Variants in PCNP observed in about 807,000 individuals in gnomAD.
PCNP encodes PEST proteolytic signal containing nuclear protein, also known as PEST proteolytic signal-containing nuclear protein.
In PCNP, 6 loss-of-function variants were observed where a neutral mutation model predicts 21.8. The ratio of observed to expected loss-of-function variants is 0.28; its 90% CI spans 0.15 to 0.54. PCNP has a LOEUF of 0.54. Among genes scored for constraint, PCNP ranks in the 20% least tolerant of loss-of-function variants. PCNP has a pLI of 0.95. For missense variants in PCNP, 161 were observed against 215.5 expected, an observed-to-expected ratio of 0.75 and a Z score of 1.58; for synonymous variants, 67 against 73.2, an observed-to-expected ratio of 0.92 and a Z score of 0.43.
chr3:101,591,955 C>T (rs924991594), intron 4 of PCNP, among the ~76,000 whole-genome samples: 1 of 151,318 alleles, frequency 6.6e-6, no homozygotes, highest in East Asian at 1.9e-4. Context: ...AATTTTTTGT[C>T]GAGACAGGGT....
intron 1 of PCNP, among the ~76,000 whole-genome samples, chr3:101,578,352 C>A (rs1202805622): frequency 2.0e-5 from 3 of 152,216 alleles, no homozygotes; most frequent in Admixed American, 6.5e-5. Flanking sequence ...CATACTCTTT[C>A]AGAGATATTC....
intron 2 of PCNP, among the ~76,000 whole-genome samples, chr3:101,580,604 T>C (rs1935173442): frequency 1.3e-5 from 2 of 152,296 alleles, no homozygotes; most frequent in East Asian, 1.9e-4. Context: ...TACCTAATTA[T>C]CTTACTTTGG....
At chr3:101,580,315 G>C (rs1432249227) in intron 2 of PCNP, among the ~76,000 whole-genome samples, 1 of 152,110 alleles carries the variant, frequency 6.6e-6, no homozygotes, top group Non-Finnish European at 1.5e-5. Flanking sequence ...CCTGTAATCT[G>C]AAGACTTGGG....
intron 3 of PCNP, among the ~76,000 whole-genome samples, chr3:101,587,668 G>A (rs2108288509): frequency 1.3e-5 from 2 of 150,964 alleles, no homozygotes; most frequent in Admixed American, 1.3e-4. Context: ...AAGACCACTG[G>A]ACTGGCAGTT....
rs989928476 is a variant in PCNP at position 101,576,424 on chromosome 3, TTTTTTTA to T, written c.64+2159_64+2165del. 33 of 1,245,480 alleles carry T rather than the reference TTTTTTTA, an allele frequency of 2.6e-5. No homozygotes were observed. The African/African-American group carries it at 4.1e-4, about 15-fold the overall frequency. 77.2% of individuals were successfully genotyped at this position (1,245,480 alleles called of 1,614,324 possible). On this transcript the variant is annotated intron_variant, in intron 1 of 4. Coordinates refer to ENST00000265260, the MANE Select transcript of PCNP (RefSeq NM_020357.3). ...TAATTTTTGTATTTTTATTTTTTAT[TTTTTTTA>T]TTTTTTATTTTTTTCATAGGTATAT...
At chr3:101,576,505 A>G (rs1213364297) in intron 1 of PCNP, 57 of 1,607,088 alleles carry the variant, frequency 3.5e-5, no homozygotes, top group Non-Finnish European at 4.6e-5. Context: ...CTTCTTGGAC[A>G]CACCCACGGT....
At chr3:101,574,346 G>T (rs775781585) in intron 1 of PCNP, 67 bp downstream of exon 1, 60 of 1,469,494 alleles carry the variant, frequency 4.1e-5, no homozygotes, top group East Asian at 1.3e-4. Flanking sequence ...CTCCCAGGGT[G>T]GGGGGAGTGG....
In PCNP at chr3:101,592,753, A is replaced by G; in HGVS notation, c.537A>G (p.Ter179=). Reference sequence around the variant, plus strand: ...GAAATGTCCATGACCAAGACAATTAAATGATGTTTTGAAATTGGGGTGTGG... The same window carrying G: ...GAAATGTCCATGACCAAGACAATTAGATGATGTTTTGAAATTGGGGTGTGG... The part of the protein sequence containing the change: ...HLGNVHDQDN[*] Residue 179 remains the stop codon, a stop_retained_variant, in exon 5 of 5, where the codon TAA becomes TAG. Transcript: ENST00000265260. 2 of 1,611,108 alleles carry G rather than the reference A, an allele frequency of 1.2e-6. No homozygotes were observed. Among genetic ancestry groups the G allele is most frequent in the Non-Finnish European group, 1.7e-6 (2 of 1,178,842 alleles).
At chr3:101,584,447 A>G (rs970067527) in intron 2 of PCNP, among the ~76,000 whole-genome samples, 14 of 152,174 alleles carry the variant, frequency 9.2e-5, no homozygotes, top group African/African-American at 2.9e-4. Context: ...CTGGGTATCT[A>G]TATCTTCTAA....
Position 101,587,616 on chromosome 3 carries a change from G to A in PCNP, c.354+2105G>A, listed in dbSNP as rs548665670. Among the ~76,000 whole-genome samples, 4 of 151,222 alleles carry A rather than the reference G, an allele frequency of 2.6e-5. No homozygotes were observed. In the South Asian group the frequency reaches 8.4e-4, roughly 32 times the overall value. On this transcript the variant is annotated intron_variant, in intron 3 of 4. Coordinates refer to ENST00000265260, the MANE Select transcript of PCNP (RefSeq NM_020357.3). ...GAATAAATGATACTGTGGAAATTGA[G>A]AGAAGGAGTAAAGGCCAGATACTAG...
chr3:101,587,388 G>C (rs1935585232), intron 3 of PCNP, among the ~76,000 whole-genome samples: 3 of 151,952 alleles, frequency 2.0e-5, no homozygotes, highest in Admixed American at 2.0e-4. Flanking sequence ...TTAATGATTG[G>C]AGCCCAAATC....
rs1045679 is a variant in PCNP at position 101,592,736 on chromosome 3, C to T, written c.520C>T (p.His174Tyr). The T allele has an allele frequency of 6.2e-7, 1 of 1,612,552 alleles. No homozygotes were observed. Among genetic ancestry groups the T allele is most frequent in the Middle Eastern group, 1.7e-4 (1 of 6,052 alleles). Residue 174 changes from histidine to tyrosine, a missense_variant, in exon 5 of 5, where the codon CAT becomes TAT. Around this residue, in one of 4 missense-constraint regions of PCNP, gnomAD observed 66 missense variants for 127.8 expected, o/e 0.52. Coordinates refer to ENST00000265260, the MANE Select transcript of PCNP (RefSeq NM_020357.3). ...TATAAAATCTCATCTTGGAAATGTC[C>T]ATGACCAAGACAATTAAATGATGTT... ...RNIKSHLGNV[H>Y]DQDN
rs1041737523 is a variant in PCNP at position 101,577,056 on chromosome 3, A to G, written c.65-2734A>G. 37 of 693,950 alleles carry G rather than the reference A, an allele frequency of 5.3e-5. No individual in the cohort carries two copies. The South Asian group carries it at 5.4e-4, about 10-fold the overall frequency. The allele number at this position is 693,950 out of a possible 1,614,324, so 43.0% of individuals were successfully genotyped here. On this transcript the variant is annotated intron_variant, in intron 1 of 4. Transcript: ENST00000265260. ...TGGCTAGAATGGTCTCAATCTCTTGACCTCGTGATCCGCCCGCCTCGGCCT... is the reference window on the plus strand; with the variant it reads ...TGGCTAGAATGGTCTCAATCTCTTGGCCTCGTGATCCGCCCGCCTCGGCCT...
At position 101,590,706 on chromosome 3, in the gene PCNP, G is replaced by T. The variant is rs941001258; in HGVS notation, c.410+436G>T. On this transcript the variant is annotated intron_variant, in intron 4 of 4. Coordinates refer to ENST00000265260, the MANE Select transcript of PCNP (RefSeq NM_020357.3). ...ACCACAGGCATATGCCATGACACCC[G>T]GCTGATTTTTTTTTTTATTTTTAGT... Among the ~76,000 whole-genome samples, 8 of 149,232 alleles carry T rather than the reference G, an allele frequency of 5.4e-5. No homozygotes were observed. The Admixed American group carries it at 5.4e-4, about 10-fold the overall frequency.
chr3:101,574,187 T>C lies in PCNP; in HGVS notation c.-29T>C, dbSNP rs1291192971. 7 of 1,547,218 alleles carry C rather than the reference T, an allele frequency of 4.5e-6. No individual in the cohort carries two copies. The highest frequency in any genetic ancestry group is 4.0e-5 in the Admixed American group (2 of 50,558). ...GGGCGGGGTCGTGACGTCCTTGGCGTGGCTGCAGGGGAGGCCGCGGCGGGG... is the reference window on the plus strand; with the variant it reads ...GGGCGGGGTCGTGACGTCCTTGGCGCGGCTGCAGGGGAGGCCGCGGCGGGG... On this transcript the variant is annotated 5_prime_UTR_variant, in exon 1 of 5. Coordinates refer to ENST00000265260, the MANE Select transcript of PCNP (RefSeq NM_020357.3).
chr3:101,590,979 G>C (rs918282496), intron 4 of PCNP, among the ~76,000 whole-genome samples: 5 of 150,028 alleles, frequency 3.3e-5, no homozygotes, highest in African/African-American at 1.2e-4. Flanking sequence ...GGATCTTGCT[G>C]TGTTGCCCAG....
chr3:101,578,952 T>C (rs1372933719), intron 1 of PCNP, among the ~76,000 whole-genome samples: 1 of 152,202 alleles, frequency 6.6e-6, no homozygotes, highest in Non-Finnish European at 1.5e-5. Flanking sequence ...CTTAGTCTCA[T>C]ATAACAGACC....
At chr3:101,584,192 T>TGA (rs1333782004) in intron 2 of PCNP, among the ~76,000 whole-genome samples, 1 of 152,138 alleles carries the variant, frequency 6.6e-6, no homozygotes, top group Non-Finnish European at 1.5e-5. Context: ...AGTAGGCAGA[T>TGA]GATAGCCCAT....
intron 2 of PCNP, among the ~76,000 whole-genome samples, chr3:101,581,221 G>T (rs957311716): frequency 6.6e-6 from 1 of 151,966 alleles, no homozygotes; most frequent in Admixed American, 6.6e-5. Flanking sequence ...TATTTCAGCT[G>T]GTAGTTTTTG....
Sources: gnomAD v4.1 joint callset for allele counts (sites outside exome capture counted in the v4.1 genomes callset) on GRCh38, gnomAD v4.1.1 for gene constraint, gnomAD v4.1.1 regional missense constraint, MANE v1.5 for transcripts, NCBI Gene and HGNC (gene_info 2026-07-23, HGNC 2026-07-21) for gene names.